Variants in PKM observed in about 807,000 individuals in gnomAD.
The protein encoded by PKM is pyruvate kinase M1/2.
A neutral mutation model predicts 49.8 loss-of-function variants in PKM; 18 were observed. The ratio of observed to expected loss-of-function variants is 0.36; its 90% CI spans 0.25 to 0.54. The LOEUF is 0.54. Among genes scored for constraint, PKM ranks in the 20% least tolerant of loss-of-function variants. The pLI is 0.89. For missense variants in PKM, 508 were observed against 713.8 expected (o/e 0.71, Z 3.28); for synonymous variants, 239 against 261.8 (o/e 0.91, Z 0.84).
chr15:72,231,026 C>T (rs553389594), intron 1 of PKM, 90 bp downstream of exon 1: 31 of 1,184,934 alleles, frequency 2.6e-5, no homozygotes, highest in East Asian at 1.7e-4. Flanking sequence ...TGCCTGCGTG[C>T]CCGGGGCCGG....
chr15:72,206,477 T>C, intron 8 of PKM: 1 of 546,508 alleles, frequency 1.8e-6, no homozygotes, highest in Non-Finnish European at 3.3e-6. Flanking sequence ...AACTGTGTGG[T>C]GTCCAATGAA....
intron 5 of PKM, 38 bp from the exon 6 acceptor site, chr15:72,208,929 A>G: frequency 6.3e-7 from 1 of 1,599,628 alleles, no homozygotes; most frequent in Non-Finnish European, 8.5e-7. Flanking sequence ...GCAGAGCACG[A>G]GGGCACAGGT....
rs564292159 is a variant in PKM, at chr15:72,203,130, C to A, written c.1141-510G>T. ...GAGGTCTGTGGAGTGACTTGAGGCT[C>A]GCACAAGTTCTTCAAACAGCTTGCG... On this transcript the variant is annotated intron_variant, in intron 8 of 10. Transcript: ENST00000335181. 13 of 1,613,980 alleles carry A rather than the reference C, an allele frequency of 8.1e-6. No homozygotes were observed. The South Asian group carries it at 1.4e-4, about 18-fold the overall frequency.
At chr15:72,215,365 T>C (rs951589941) in intron 3 of PKM, among the ~76,000 whole-genome samples, 18 of 152,138 alleles carry the variant, frequency 1.2e-4, no homozygotes, top group Admixed American at 3.3e-4. Context: ...CATGAAACGA[T>C]AGCCCTGACG....
chr15:72,228,376 C>CT (rs10656443), intron 1 of PKM, among the ~76,000 whole-genome samples: 106,119 of 118,836 alleles, frequency 0.89, 48,174 homozygotes, highest in South Asian at 0.97. Flanking sequence ...TTAGTTGTGG[C>CT]TTTTTTTTTT....
chr15:72,207,041 T>C lies in PKM; in HGVS notation c.987+86A>G, dbSNP rs1238979788. 12 of 1,551,762 alleles carry C rather than the reference T, an allele frequency of 7.7e-6. No homozygotes were observed. In the East Asian group the frequency reaches 1.3e-4, roughly 17 times the overall value. The stretch of plus-strand genomic sequence containing the variant: ...CTGTGTGTTACGTGCGACAATTCCA[T>C]GGGAAGAGATCAGACAGCCTCCAGA... On this transcript the variant is annotated intron_variant, in intron 7 of 10. Transcript: ENST00000335181.
chr15:72,223,572 A>G (rs1297541538), intron 1 of PKM, among the ~76,000 whole-genome samples: 1 of 152,230 alleles, frequency 6.6e-6, no homozygotes, highest in Non-Finnish European at 1.5e-5. Context: ...CATTCAGGTC[A>G]GCCTGCTCTC....
At chr15:72,223,519 GA>G (rs879769766) in intron 1 of PKM, among the ~76,000 whole-genome samples, 1 of 152,094 alleles carries the variant, frequency 6.6e-6, no homozygotes, top group Admixed American at 6.6e-5. Context: ...CAACTCTTCC[GA>G]ACACCTGCAT....
Position 72,202,570 on chromosome 15 carries a change from T to C in PKM, c.1191A>G (p.Glu397=). The C allele has an allele frequency of 6.2e-7, 1 of 1,613,458 alleles. No homozygotes were observed. Among genetic ancestry groups the C allele is most frequent in the Non-Finnish European group, 8.5e-7 (1 of 1,179,898 alleles). The change falls in exon 9 of 11, where the codon GAA becomes GAG. Residue 397 remains glutamate (E), a synonymous_variant. Transcript: ENST00000335181. This position sits in a 1 kb window ranked among gnomAD's most constrained non-coding sequence, Gnocchi z 4.5. ...TGGTAATGGGCGCCAGGCGGCGGAGTTCCTCAAATAATTGCAAGTGGTAGA... is the reference window on the plus strand; with the variant it reads ...TGGTAATGGGCGCCAGGCGGCGGAGCTCCTCAAATAATTGCAAGTGGTAGA... ...AAIYHLQLFE[E]LRRLAPITSD...
chr15:72,206,313 G>A (rs1301453971), intron 8 of PKM: 1 of 205,208 alleles, frequency 4.9e-6, no homozygotes, highest in East Asian at 1.2e-4. Flanking sequence ...GAGGGCAGCT[G>A]GGAGCAGGAG....
chr15:72,199,784 G>C (rs542682473), intron 10 of PKM, 28 bp from the exon 11 acceptor site: 1 of 1,532,930 alleles, frequency 6.5e-7, no homozygotes, highest in African/African-American at 1.4e-5. Context: ...AGGTTGGTGA[G>C]TAAAAGCCAA....
At position 72,200,579 on chromosome 15, in the gene PKM, G is replaced by C. The variant is rs1344683675; in HGVS notation, c.1384C>G (p.Gln462Glu). The change falls in exon 10 of 11, where the codon CAG becomes GAG. Residue 462 changes from glutamine (Q) to glutamate (E), a missense_variant. By Grantham distance (29) the Gln-to-Glu change is conservative. Coordinates refer to ENST00000335181, the MANE Select transcript of PKM (RefSeq NM_002654.6). This position sits in a 1 kb window ranked among gnomAD's most constrained non-coding sequence, Gnocchi z 4.6. ...AAGATGCCACGGTACAGGTGGGCCT[G>C]ACGAGCTGTCTGGGGATTCCGGGTC... Reference protein sequence around the residue: ...AVTRNPQTARQAHLYRGIFPV... With the variant: ...AVTRNPQTAREAHLYRGIFPV... 5 of 1,613,944 alleles carry C rather than the reference G, an allele frequency of 3.1e-6. No individual in the cohort carries two copies. The highest frequency in any genetic ancestry group is 3.4e-6 in the Non-Finnish European group (4 of 1,179,974).
chr15:72,209,059 A>G, intron 5 of PKM, 168 bp from the exon 6 acceptor site: 1 of 712,736 alleles, frequency 1.4e-6, no homozygotes, highest in Non-Finnish European at 2.4e-6. Context: ...TGGGCAAGCC[A>G]TTTAACCTCT....
intron 1 of PKM, among the ~76,000 whole-genome samples, chr15:72,227,720 T>C (rs544267799): frequency 9.1e-6 from 1 of 109,492 alleles, no homozygotes; most frequent in Admixed American, 1.5e-4. Flanking sequence ...CACTCCAGAC[T>C]GGGCAACAAG....
Position 72,200,767 on chromosome 15 carries a change from C to T in PKM, c.1308-112G>A. 2.2e-6 allele frequency: 2 copies of T among 910,564 alleles called. No homozygotes were observed. Among genetic ancestry groups the T allele is most frequent in the Admixed American group, 2.4e-5 (1 of 40,896 alleles). 56.4% of individuals were successfully genotyped at this position (910,564 alleles called of 1,614,324 possible). ...CATCCAGCTCACTGAGGGCTCTGGCCTCTTCAACATCTGCTCCCTAGGACC... is the reference window on the plus strand; with the variant it reads ...CATCCAGCTCACTGAGGGCTCTGGCTTCTTCAACATCTGCTCCCTAGGACC... On this transcript the variant is annotated intron_variant, in intron 9 of 10. Coordinates refer to ENST00000335181, the MANE Select transcript of PKM (RefSeq NM_002654.6). This position sits in a 1 kb window ranked among gnomAD's most constrained non-coding sequence, Gnocchi z 4.6.
In PKM at chr15:72,199,898, C is replaced by A. The variant is rs2081896587; in HGVS notation, c.1490-142G>T. On this transcript the variant is annotated intron_variant, in intron 10 of 10. Transcript: ENST00000335181. ...CCACAAGGTGGCACCAAACTCACAG[C>A]CCAGGCAAACAGGAGGAAGGCCCTG... 7 of 701,158 alleles carry A rather than the reference C, an allele frequency of 1.0e-5. No homozygotes were observed. In the Admixed American group the frequency reaches 1.4e-4, roughly 14 times the overall value. 43.4% of individuals were successfully genotyped at this position (701,158 alleles called of 1,614,324 possible). A position where few individuals can be genotyped will look rare whatever the true frequency, so the allele number is the denominator to read the frequency against.
chr15:72,204,036 C>A (rs886798136), intron 8 of PKM: 1 of 152,138 alleles, frequency 6.6e-6, no homozygotes, highest in Non-Finnish European at 1.5e-5. Flanking sequence ...ATCGGTAATA[C>A]CCCCTCATCA....
intron 1 of PKM, chr15:72,229,759 A>T: frequency 9.1e-7 from 1 of 1,098,308 alleles, no homozygotes; most frequent in Non-Finnish European, 1.2e-6. Context: ...CTGGTCTCTA[A>T]CTCTGACCCC....
intron 3 of PKM, among the ~76,000 whole-genome samples, chr15:72,212,599 A>G (rs1183642561): frequency 6.6e-6 from 1 of 152,234 alleles, no homozygotes; most frequent in Non-Finnish European, 1.5e-5. Context: ...GACAAAGTAC[A>G]TGGTAATTAT....
Sources: gnomAD v4.1 joint callset for allele counts (sites outside exome capture counted in the v4.1 genomes callset) on GRCh38, gnomAD v4.1.1 for gene constraint, Gnocchi (gnomAD v3.1) non-coding constraint, MANE v1.5 for transcripts, NCBI Gene and HGNC (gene_info 2026-07-23, HGNC 2026-07-21) for gene names.